The following SEPTIN9 variants were observed in gnomAD, a reference collection of about 807,000 sequenced individuals.
SEPTIN9 encodes the protein septin-9.
In SEPTIN9, 13 loss-of-function variants were observed where a neutral mutation model predicts 56.6. That is an observed-to-expected ratio of 0.23 (90% CI 0.15 to 0.37). The LOEUF (loss-of-function observed/expected upper bound fraction) is 0.37. Ranked by LOEUF, SEPTIN9 falls within the 10% of genes least tolerant of loss-of-function variation. The probability of loss-of-function intolerance (pLI) is 1.00; values close to 1 mark genes in which losing one functional copy is unlikely to be tolerated. For synonymous variants in SEPTIN9, 332 were observed against 334.1 expected, an observed-to-expected ratio of 0.99 and a Z score of 0.07; for missense variants, 650 against 823.1, an observed-to-expected ratio of 0.79 and a Z score of 2.57.
intron 3 of SEPTIN9, among the ~76,000 whole-genome samples, chr17:77,406,158 G>A (rs184342678): frequency 3.9e-5 from 6 of 152,268 alleles, no homozygotes; most frequent in African/African-American, 9.6e-5. Flanking sequence ...ATCTCTTCCC[G>A]TGCTGAGCCT....
rs2032836144 is a variant in SEPTIN9 at position 77,319,730 on chromosome 17, T to C, written c.76+12533T>C. The C allele has an allele frequency of 9.3e-7, 1 of 1,070,448 alleles. No homozygotes were observed. Among genetic ancestry groups the C allele is most frequent in the Middle Eastern group, 4.2e-4 (1 of 2,398 alleles). 66.3% of individuals were successfully genotyped at this position (1,070,448 alleles called of 1,614,324 possible). A position where few individuals can be genotyped will look rare whatever the true frequency, so the allele number is the denominator to read the frequency against. On this transcript the variant is annotated intron_variant, in intron 2 of 11. Coordinates refer to ENST00000427177, the MANE Select transcript of SEPTIN9 (RefSeq NM_001113491.2). The surrounding 1 kb of genome is among the most constrained non-coding windows in gnomAD (Gnocchi z 5.3). ...GCAGGAACTGGGCTTTTTAAACCCT[T>C]AAGCCCAAGGAAATCGTAGCATCGC...
intron 4 of SEPTIN9, 97 bp downstream of exon 4, chr17:77,482,432 T>A: frequency 8.0e-7 from 1 of 1,244,510 alleles, no homozygotes; most frequent in Non-Finnish European, 1.1e-6. Context: ...TTCCCTTCTG[T>A]AAAATGGGGC....
chr17:77,385,607 T>TC (rs1013930313), intron 2 of SEPTIN9, among the ~76,000 whole-genome samples: 3 of 152,000 alleles, frequency 2.0e-5, no homozygotes, highest in Non-Finnish European at 2.9e-5. Flanking sequence ...CAACCTAATC[T>TC]CCCCCTAGGA....
chr17:77,328,150 GGTGTCCCCGTGCCCAGT>G (rs144865158), intron 2 of SEPTIN9, among the ~76,000 whole-genome samples: 28,151 of 145,992 alleles, frequency 0.19, 2,616 homozygotes, highest in Middle Eastern at 0.28. Flanking sequence ...CTGTGCCCAG[GGTGTCCCCGTGCCCAGT>G]GTGTCCCTGT....
At chr17:77,307,066 C>T in intron 1 of SEPTIN9, 75 bp from the exon 2 acceptor site, 1 of 1,368,258 alleles carries the variant, frequency 7.3e-7, no homozygotes. Context: ...GAGGACATTC[C>T]TGGTGTTAAT....
At chr17:77,288,616 C>T (rs1265627097) in intron 1 of SEPTIN9, among the ~76,000 whole-genome samples, 1 of 152,236 alleles carries the variant, frequency 6.6e-6, no homozygotes, top group Non-Finnish European at 1.5e-5. Flanking sequence ...AATCAGATCC[C>T]AGAAGAGGAA....
Position 77,481,976 on chromosome 17 carries a change from G to A in SEPTIN9, c.722-168G>A, listed in dbSNP as rs924253085. On this transcript the variant is annotated intron_variant, in intron 3 of 11. Transcript: ENST00000427177. Reference sequence around the variant, plus strand: ...GCTTTTTAGAGGACACCACGGCCAGGGACATCCACCCGGGGGAATTCTCAG... The same window carrying A: ...GCTTTTTAGAGGACACCACGGCCAGAGACATCCACCCGGGGGAATTCTCAG... 4 of 642,914 alleles carry A rather than the reference G, an allele frequency of 6.2e-6. No homozygotes were observed. The African/African-American group carries it at 7.3e-5, about 12-fold the overall frequency. 39.8% of individuals were successfully genotyped at this position (642,914 alleles called of 1,614,324 possible).
intron 2 of SEPTIN9, among the ~76,000 whole-genome samples, chr17:77,387,566 G>A (rs1418552580): frequency 6.6e-6 from 1 of 152,180 alleles, no homozygotes; most frequent in African/African-American, 2.4e-5. Flanking sequence ...ACGCTGCTGG[G>A]TGGGGAGTGG....
chr17:77,464,099 G>A (rs143359906), intron 3 of SEPTIN9, among the ~76,000 whole-genome samples: 183 of 151,808 alleles, frequency 1.2e-3, no homozygotes, highest in African/African-American at 3.7e-3. Context: ...TTTTTGAGAC[G>A]GACTCTCTCT....
rs1273449624 is a variant in SEPTIN9, at chr17:77,453,064, C to G, written c.722-29080C>G. The stretch of plus-strand genomic sequence containing the variant: ...CATTTCTGTGTCGGGGTGGCTGAGA[C>G]ACTATTGCATTGGCCACTTTGTGTT... On this transcript the variant is annotated intron_variant, in intron 3 of 11. Coordinates refer to ENST00000427177, the MANE Select transcript of SEPTIN9 (RefSeq NM_001113491.2). The surrounding 1 kb of genome is among the most constrained non-coding windows in gnomAD (Gnocchi z 4.4). Among the ~76,000 whole-genome samples the G allele has an allele frequency of 1.3e-5, 2 of 151,794 alleles. No homozygotes were observed. The highest frequency in any genetic ancestry group is 2.9e-5 in the Non-Finnish European group (2 of 67,998).
chr17:77,442,637 C>CT (rs2037591558), intron 3 of SEPTIN9, among the ~76,000 whole-genome samples: 1 of 151,386 alleles, frequency 6.6e-6, no homozygotes, highest in African/African-American at 2.4e-5. Context: ...CTTCGGGAGG[C>CT]CGAGGCAGGT....
chr17:77,467,038 A>G (rs2038767290), intron 3 of SEPTIN9, among the ~76,000 whole-genome samples: 1 of 152,166 alleles, frequency 6.6e-6, no homozygotes, highest in Non-Finnish European at 1.5e-5. Context: ...CCAGTTTGCC[A>G]GTTACTAAAT....
chr17:77,359,494 C>G (rs748005155), intron 2 of SEPTIN9, among the ~76,000 whole-genome samples: 1 of 152,202 alleles, frequency 6.6e-6, no homozygotes, highest in Non-Finnish European at 1.5e-5. Flanking sequence ...CAGACGTCAC[C>G]AGTCAATCAT....
intron 2 of SEPTIN9, among the ~76,000 whole-genome samples, chr17:77,401,377 A>G (rs1359037038): frequency 6.6e-6 from 1 of 152,134 alleles, no homozygotes; most frequent in Non-Finnish European, 1.5e-5. Context: ...GGCTGATGGT[A>G]GAGGTGTGTT....
chr17:77,395,337 C>A (rs1311978054), intron 2 of SEPTIN9, among the ~76,000 whole-genome samples: 3 of 152,056 alleles, frequency 2.0e-5, no homozygotes, highest in Non-Finnish European at 4.4e-5. Context: ...ACCATCCTGG[C>A]TAACACGGTG....
At chr17:77,328,510 C>T (rs751054655) in intron 2 of SEPTIN9, among the ~76,000 whole-genome samples, 2 of 152,196 alleles carry the variant, frequency 1.3e-5, no homozygotes, top group Admixed American at 6.5e-5. Context: ...GGATGACAGG[C>T]GTCCGCCACC....
At chr17:77,430,767 A>G (rs312898) in intron 3 of SEPTIN9, among the ~76,000 whole-genome samples, 21,884 of 151,900 alleles carry the variant, frequency 0.14, 4,154 homozygotes, top group African/African-American at 0.43. Context: ...AAGGCGGGTG[A>G]ATCCCTTAAG....
In SEPTIN9 at chr17:77,327,336, C is replaced by A. The variant is rs368957364; in HGVS notation, c.76+20139C>A. Among the ~76,000 whole-genome samples the A allele has an allele frequency of 9.8e-4, 149 of 152,222 alleles. 1 individual carries two copies. Among genetic ancestry groups the A allele is most frequent in the Middle Eastern group, 6.8e-3 (2 of 294 alleles). ...CCGTCTCTTGCTCTGGGCACCCCCC[C>A]ACTCCGAACGGCCAGAGCTTCTGAA... On this transcript the variant is annotated intron_variant, in intron 2 of 11. Transcript: ENST00000427177. The surrounding 1 kb of genome is among the most constrained non-coding windows in gnomAD (Gnocchi z 5.0).
rs2037056414 is a variant in SEPTIN9, at chr17:77,429,716, C to T, written c.721+27013C>T. Reference sequence around the variant, plus strand: ...GACGAGGGAGGCCCTGCTGGCTGGGCCTGGTTTTCAAGTGAGCATCCTGAG... The same window carrying T: ...GACGAGGGAGGCCCTGCTGGCTGGGTCTGGTTTTCAAGTGAGCATCCTGAG... On this transcript the variant is annotated intron_variant, in intron 3 of 11. Coordinates refer to ENST00000427177, the MANE Select transcript of SEPTIN9 (RefSeq NM_001113491.2). This position sits in a 1 kb window ranked among gnomAD's most constrained non-coding sequence, Gnocchi z 5.2. Among the ~76,000 whole-genome samples, 2 of 151,926 alleles carry T rather than the reference C, an allele frequency of 1.3e-5. No homozygotes were observed. The highest frequency in any genetic ancestry group is 2.9e-5 in the Non-Finnish European group (2 of 67,966).
Sources: allele counts gnomAD v4.1 joint callset (sites outside exome capture counted in the v4.1 genomes callset), GRCh38; gene constraint gnomAD v4.1.1; non-coding constraint Gnocchi (gnomAD v3.1); transcripts MANE v1.5; gene names NCBI Gene and HGNC (gene_info 2026-07-23, HGNC 2026-07-21).